SQSTM1: variants seen among roughly 807,000 people sequenced by gnomAD.
SQSTM1 encodes the protein sequestosome 1.
SQSTM1 carries 36 observed loss-of-function variants against 45.1 expected under a neutral mutation model. The observed-to-expected ratio is 0.80, with a 90% CI of 0.61 to 1.05. The LOEUF (loss-of-function observed/expected upper bound fraction) is 1.05, where lower values mean the gene tolerates loss of function less well. Among genes scored for constraint, SQSTM1 ranks in the 50% least tolerant of loss-of-function variants. SQSTM1 has a pLI of 0.00. For synonymous variants in SQSTM1, 290 were observed against 244.3 expected (o/e 1.19, Z -1.74); for missense variants, 617 against 607.1 (o/e 1.02, Z -0.17).
chr5:179,825,097 T>C (rs376587294), intron 4 of SQSTM1, 49 bp from the exon 5 acceptor site: 1 of 1,576,878 alleles, frequency 6.3e-7, no homozygotes, highest in South Asian at 1.1e-5. Context: ...CTGTGACAGG[T>C]ATCCAAGGCA....
At chr5:179,829,475 G>C (rs1173152785) in intron 5 of SQSTM1, among the ~76,000 whole-genome samples, 1 of 152,128 alleles carries the variant, frequency 6.6e-6, no homozygotes, top group East Asian at 1.9e-4. Flanking sequence ...TGGGAGAAAA[G>C]GTCTTAAAGG....
chr5:179,836,174 C>T (rs1259230245), intron 7 of SQSTM1: 8 of 581,906 alleles, frequency 1.4e-5, no homozygotes, highest in Non-Finnish European at 2.5e-5. Flanking sequence ...GGTGAAATGC[C>T]TATTTCAGTG....
chr5:179,814,856 T>C (rs1186339533), upstream of SQSTM1, among the ~76,000 whole-genome samples: 1 of 151,800 alleles, frequency 6.6e-6, no homozygotes. Flanking sequence ...AAGAAGATCA[T>C]GGTTGCCGTG....
intron 5 of SQSTM1, among the ~76,000 whole-genome samples, chr5:179,830,499 A>G (rs1758165030): frequency 1.3e-5 from 2 of 151,800 alleles, no homozygotes; most frequent in Non-Finnish European, 2.9e-5. Flanking sequence ...CTTCTGCTTC[A>G]GCCTCCCCAG....
chr5:179,829,997 C>G (rs1399822540), intron 5 of SQSTM1, among the ~76,000 whole-genome samples: 1 of 152,160 alleles, frequency 6.6e-6, no homozygotes, highest in Non-Finnish European at 1.5e-5. Flanking sequence ...ATGGCCCCAG[C>G]TACGTGGGAG....
At chr5:179,829,705 C>CAAAAAAA (rs1336929991) in intron 5 of SQSTM1, among the ~76,000 whole-genome samples, 1 of 151,818 alleles carries the variant, frequency 6.6e-6, no homozygotes, top group Non-Finnish European at 1.5e-5. Context: ...TTCCTCTCCT[C>CAAAAAAA]CTAATGTAGG....
At chr5:179,815,317 T>C (rs1757548522), upstream of SQSTM1, among the ~76,000 whole-genome samples, 1 of 152,020 alleles carries the variant, frequency 6.6e-6, no homozygotes. Flanking sequence ...CTTGGGAGGC[T>C]GAGGCACAAG....
intron 1 of SQSTM1, among the ~76,000 whole-genome samples, chr5:179,821,883 G>C (rs148947083): frequency 2.0e-5 from 3 of 152,280 alleles, no homozygotes; most frequent in South Asian, 2.1e-4. Context: ...CGGCCCCTGG[G>C]AGGGTGCAGT....
chr5:179,834,720 G>A (rs373236911), intron 7 of SQSTM1, among the ~76,000 whole-genome samples: 175 of 152,248 alleles, frequency 1.1e-3, no homozygotes, highest in South Asian at 1.7e-3. Flanking sequence ...CAGAGAGCAC[G>A]GGGTTGGGGG....
At chr5:179,831,946 G>C (rs1186577218) in intron 5 of SQSTM1, among the ~76,000 whole-genome samples, 1 of 151,972 alleles carries the variant, frequency 6.6e-6, no homozygotes, top group Non-Finnish European at 1.5e-5. Context: ...ACCACGCCCA[G>C]CTGATTTTTT....
upstream of SQSTM1, among the ~76,000 whole-genome samples, chr5:179,818,475 G>T (rs1483541589): frequency 6.6e-6 from 1 of 152,230 alleles, no homozygotes; most frequent in African/African-American, 2.4e-5. Flanking sequence ...GAACACCACT[G>T]CCAAGGCATA....
intron 5 of SQSTM1, among the ~76,000 whole-genome samples, chr5:179,829,299 G>GC (rs571173564): frequency 1.3e-5 from 2 of 152,284 alleles, no homozygotes; most frequent in Admixed American, 6.5e-5. Context: ...GAGGTTGAAT[G>GC]CCCCCAGAGA....
upstream of SQSTM1, among the ~76,000 whole-genome samples, chr5:179,819,258 G>T (rs1228633280): frequency 6.6e-6 from 1 of 152,202 alleles, no homozygotes; most frequent in Non-Finnish European, 1.5e-5. Context: ...TGCGGGGAAG[G>T]GCCAGAGCCG....
chr5:179,817,574 C>T (rs1195233643), upstream of SQSTM1, among the ~76,000 whole-genome samples: 7 of 152,254 alleles, frequency 4.6e-5, no homozygotes, highest in Admixed American at 4.6e-4. Context: ...AACTTGGCAT[C>T]ACTGAATTCT....
At position 179,837,328 on chromosome 5, in the gene SQSTM1, G is replaced by T. The variant is rs780421957; in HGVS notation, c.*735G>T. The T allele has an allele frequency of 5.8e-5, 92 of 1,587,920 alleles. 1 individual carries two copies. Among genetic ancestry groups the T allele is most frequent in the Non-Finnish European group, 7.8e-5 (91 of 1,166,578 alleles). On this transcript the variant is annotated 3_prime_UTR_variant, in exon 8 of 8. Coordinates refer to ENST00000389805, the MANE Select transcript of SQSTM1 (RefSeq NM_003900.5). ...GTTCTTACAGAGTATCTTTAAAAGT[G>T]CCTTAGGGGAACCCTGTCCCTCCTA...
chr5:179,808,805 A>C (rs1014687664), intron 1 of SQSTM1, among the ~76,000 whole-genome samples: 12 of 151,612 alleles, frequency 7.9e-5, no homozygotes, highest in African/African-American at 2.9e-4. Flanking sequence ...TTTTAAAACA[A>C]ATTTTTTTGG....
intron 1 of SQSTM1, among the ~76,000 whole-genome samples, chr5:179,810,288 G>C (rs1757358646): frequency 6.6e-6 from 1 of 151,848 alleles, no homozygotes; most frequent in African/African-American, 2.4e-5. Context: ...CCCACGACAG[G>C]CCCCAGTGTG....
At chr5:179,821,658 A>G (rs1757784847) in intron 1 of SQSTM1, 2 of 400,732 alleles carry the variant, frequency 5.0e-6, no homozygotes, top group African/African-American at 2.1e-5. Flanking sequence ...GAGCGCCGCG[A>G]CAGCGCCTGG....
At chr5:179,818,410 C>T (rs371255853), upstream of SQSTM1, among the ~76,000 whole-genome samples, 1 of 152,186 alleles carries the variant, frequency 6.6e-6, no homozygotes, top group Non-Finnish European at 1.5e-5. Context: ...TCTGGCTGCC[C>T]CAGCACCCAC....
Sources: allele counts gnomAD v4.1 joint callset (sites outside exome capture counted in the v4.1 genomes callset), GRCh38; gene constraint gnomAD v4.1.1; transcripts MANE v1.5; gene names NCBI Gene and HGNC (gene_info 2026-07-23, HGNC 2026-07-21).